Variants in DOK6 observed in about 807,000 individuals in gnomAD.
DOK6 encodes downstream of tyrosine kinase 6.
DOK6 carries 22 observed loss-of-function variants against 44.0 expected under a neutral mutation model. The observed-to-expected ratio is 0.50, with a 90% confidence interval of 0.36 to 0.71. The LOEUF is 0.71. DOK6 is among the 30% of genes least tolerant of loss of function. The pLI, the probability that DOK6 is intolerant of heterozygous loss-of-function variation, is 0.00. For synonymous variants in DOK6, 166 were observed against 145.5 expected, an observed-to-expected ratio of 1.14 and a Z score of -1.01; for missense variants, 340 against 416.4, an observed-to-expected ratio of 0.82 and a Z score of 1.60.
chr18:69,482,952 AT>A (rs939357405), intron 1 of DOK6, among the ~76,000 whole-genome samples: 42 of 151,966 alleles, frequency 2.8e-4, no homozygotes, highest in African/African-American at 8.9e-4. Flanking sequence ...AACTTGTGTC[AT>A]GGGGGTTTGC....
chr18:69,536,245 A>G (rs1982119218), intron 1 of DOK6, among the ~76,000 whole-genome samples: 1 of 152,204 alleles, frequency 6.6e-6, no homozygotes, highest in Non-Finnish European at 1.5e-5. Flanking sequence ...TAATTACCTC[A>G]GAAATGCAGA....
intron 5 of DOK6, among the ~76,000 whole-genome samples, chr18:69,719,507 G>A (rs942326043): frequency 6.6e-6 from 1 of 152,182 alleles, no homozygotes; most frequent in Non-Finnish European, 1.5e-5. Context: ...TGAGCAGTAA[G>A]CAATTATAGA....
intron 1 of DOK6, chr18:69,532,634 G>A: frequency 6.6e-6 from 1 of 152,290 alleles, no homozygotes; most frequent in Non-Finnish European, 1.5e-5. Flanking sequence ...GCCAAAGCAG[G>A]AGGACCACTT....
chr18:69,558,372 T>C (rs1982741505), intron 1 of DOK6, among the ~76,000 whole-genome samples: 1 of 152,156 alleles, frequency 6.6e-6, no homozygotes, highest in Non-Finnish European at 1.5e-5. Flanking sequence ...TTGCAAATTC[T>C]CCACTCCAGT....
At chr18:69,637,929 A>G (rs1021330779) in intron 3 of DOK6, among the ~76,000 whole-genome samples, 2 of 151,832 alleles carry the variant, frequency 1.3e-5, no homozygotes, top group Non-Finnish European at 2.9e-5. Flanking sequence ...TAAGGATAGG[A>G]GATCTATATT....
chr18:69,819,450 A>AT (rs1313383912), intron 7 of DOK6, among the ~76,000 whole-genome samples: 1 of 152,162 alleles, frequency 6.6e-6, no homozygotes, highest in Non-Finnish European at 1.5e-5. Context: ...CCCAGGATTC[A>AT]TTTTCATTCC....
chr18:69,662,595 T>C (rs185938711), intron 3 of DOK6: 2 of 152,310 alleles, frequency 1.3e-5, no homozygotes, highest in East Asian at 3.9e-4. Context: ...TTTGAACAAA[T>C]AAAAATATTT....
At chr18:69,506,189 T>G (rs905936007) in intron 1 of DOK6, among the ~76,000 whole-genome samples, 2 of 152,132 alleles carry the variant, frequency 1.3e-5, no homozygotes, top group Non-Finnish European at 2.9e-5. Flanking sequence ...ATAAAGACTC[T>G]TTTTTAAAAA....
intron 1 of DOK6, among the ~76,000 whole-genome samples, chr18:69,523,571 A>C (rs1277125545): frequency 3.3e-5 from 5 of 152,082 alleles, no homozygotes; most frequent in African/African-American, 1.2e-4. Context: ...TTTTACTTGA[A>C]AACAAATGTT....
intron 3 of DOK6, among the ~76,000 whole-genome samples, chr18:69,664,907 G>A (rs1319896229): frequency 6.6e-6 from 1 of 152,110 alleles, no homozygotes; most frequent in Non-Finnish European, 1.5e-5. Context: ...GGCCAGGTGC[G>A]ATGGCTCACG....
At chr18:69,596,755 T>C (rs1188610092) in intron 2 of DOK6, among the ~76,000 whole-genome samples, 1 of 152,186 alleles carries the variant, frequency 6.6e-6, no homozygotes, top group African/African-American at 2.4e-5. Flanking sequence ...AGTAAGGTAA[T>C]TATAAAAGAC....
At chr18:69,424,671 A>G (rs1364821298) in intron 1 of DOK6, among the ~76,000 whole-genome samples, 2 of 152,172 alleles carry the variant, frequency 1.3e-5, no homozygotes, top group African/African-American at 4.8e-5. Flanking sequence ...TTACAACAAC[A>G]TAAAGCTACT....
At chr18:69,707,811 G>A (rs1044045212) in intron 5 of DOK6, among the ~76,000 whole-genome samples, 2 of 152,192 alleles carry the variant, frequency 1.3e-5, no homozygotes, top group African/African-American at 4.8e-5. Context: ...GAGACATTTG[G>A]AGAACAGTCC....
chr18:69,562,179 A>G (rs1237920954), intron 1 of DOK6, among the ~76,000 whole-genome samples: 1 of 152,194 alleles, frequency 6.6e-6, no homozygotes, highest in Non-Finnish European at 1.5e-5. Flanking sequence ...TATGGTGGAA[A>G]GTAGATAATG....
At chr18:69,434,929 AGG>A (rs1978909147) in intron 1 of DOK6, among the ~76,000 whole-genome samples, 2 of 22,464 alleles carry the variant, frequency 8.9e-5, no homozygotes, top group Non-Finnish European at 1.2e-4. Context: ...AAAAGAAAAA[AGG>A]GAGGGAGGGA....
chr18:69,632,689 C>T (rs566016464), intron 3 of DOK6, among the ~76,000 whole-genome samples: 64 of 152,226 alleles, frequency 4.2e-4, no homozygotes, highest in Non-Finnish European at 5.3e-4. Context: ...TTTAGAAGTA[C>T]ACAATTTCAG....
intron 7 of DOK6, among the ~76,000 whole-genome samples, chr18:69,773,080 T>C (rs1459091241): frequency 6.6e-6 from 1 of 151,842 alleles, no homozygotes; most frequent in Non-Finnish European, 1.5e-5. Context: ...GGCCAATAAG[T>C]ACATGAAAAG....
At chr18:69,721,019 G>A (rs1484780374) in intron 5 of DOK6, among the ~76,000 whole-genome samples, 2 of 152,044 alleles carry the variant, frequency 1.3e-5, no homozygotes, top group African/African-American at 4.8e-5. Flanking sequence ...TATTATTAAT[G>A]TTGTTTGTGT....
At chr18:69,721,563 G>A (rs1474614418) in intron 5 of DOK6, 1 of 152,188 alleles carries the variant, frequency 6.6e-6, no homozygotes, top group Non-Finnish European at 1.5e-5. Flanking sequence ...GCTATTGTTT[G>A]CAGTACACAT....
Sources: allele counts gnomAD v4.1 joint callset (sites outside exome capture counted in the v4.1 genomes callset), GRCh38; gene constraint gnomAD v4.1.1; transcripts MANE v1.5; gene names NCBI Gene and HGNC (gene_info 2026-07-23, HGNC 2026-07-21).